TFPT: variants seen among roughly 807,000 people sequenced by gnomAD.
TFPT encodes the protein INO80 complex subunit F.
In TFPT, 27 loss-of-function variants were observed where a neutral mutation model predicts 28.8. That is an observed-to-expected ratio of 0.94 (90% CI 0.69 to 1.29). The LOEUF (loss-of-function observed/expected upper bound fraction) is 1.29. Among genes scored for constraint, TFPT ranks in the 50% most tolerant of loss-of-function variants. The pLI is 0.00. For synonymous variants in TFPT, 152 were observed against 142.8 expected (o/e 1.06, Z -0.46); for missense variants, 330 against 338.0 (o/e 0.98, Z 0.19).
Position 54,110,034 on chromosome 19 carries a change from G to A in TFPT, c.353+17C>T, listed in dbSNP as rs772604856. ...AGCTGAGGCTCACAGGCCCAGAGGG[G>A]ACAGAGAAGGGGTTACCTCCGTTCC... On this transcript the variant is annotated intron_variant, in intron 3 of 5. Coordinates refer to ENST00000391759, the MANE Select transcript of TFPT (RefSeq NM_013342.4). 7 of 1,613,088 alleles carry A rather than the reference G, an allele frequency of 4.3e-6. No homozygotes were observed. Among genetic ancestry groups the A allele is most frequent in the Admixed American group, 1.7e-5 (1 of 59,998 alleles).
At chr19:54,110,646 G>A (rs1183973185) in intron 2 of TFPT, among the ~76,000 whole-genome samples, 1 of 151,970 alleles carries the variant, frequency 6.6e-6, no homozygotes, top group African/African-American at 2.4e-5. Flanking sequence ...GGGGTGAAGT[G>A]AGTTGAGATC....
intron 2 of TFPT, 121 bp from the exon 3 acceptor site, chr19:54,110,242 G>A: frequency 3.8e-6 from 4 of 1,042,038 alleles, no homozygotes; most frequent in Non-Finnish European, 5.8e-6. Context: ...CGTGGCCTGA[G>A]GTCCTTCCAC....
intron 3 of TFPT, 117 bp from the exon 4 acceptor site, chr19:54,108,512 GACGGTCCTGAGCTCTGGC>G: frequency 6.2e-7 from 1 of 1,613,240 alleles, no homozygotes; most frequent in Non-Finnish European, 8.5e-7. Context: ...CCTGGAGCCA[GACGGTCCTGAGCTCTGGC>G]ACTGGAGGCC....
At chr19:54,110,728 C>T (rs181887137) in intron 2 of TFPT, among the ~76,000 whole-genome samples, 2 of 151,944 alleles carry the variant, frequency 1.3e-5, no homozygotes, top group East Asian at 1.9e-4. Flanking sequence ...ACACACCCGA[C>T]CCCCCTTCCC....
chr19:54,111,872 C>T (rs1437679755), intron 2 of TFPT, among the ~76,000 whole-genome samples: 1 of 151,714 alleles, frequency 6.6e-6, no homozygotes, highest in Non-Finnish European at 1.5e-5. Context: ...CCCAGCTACT[C>T]GGGAGGCTGA....
chr19:54,108,013 C>CCGCCTTCCTCACCTG lies in TFPT; in HGVS notation c.640_642+12dup. On this transcript the variant is annotated intron_variant, in intron 5 of 5. Transcript: ENST00000391759. ...AGCCCCAGTCCCTCCCCTTGAGTTCCCGCCTTCCTCACCTGCACCGGGGCC... is the reference window on the plus strand; with the variant it reads ...AGCCCCAGTCCCTCCCCTTGAGTTCCCGCCTTCCTCACCTGCGCCTTCCTCACCTGCACCGGGGCC... 6.6e-7 allele frequency: 1 copy of CCGCCTTCCTCACCTG among 1,515,854 alleles called. No individual in the cohort carries two copies. The highest frequency in any genetic ancestry group is 8.8e-7 in the Non-Finnish European group (1 of 1,133,140). 93.9% of individuals were successfully genotyped at this position (1,515,854 alleles called of 1,614,324 possible).
At chr19:54,111,039 T>C (rs1053611901) in intron 2 of TFPT, among the ~76,000 whole-genome samples, 29 of 152,158 alleles carry the variant, frequency 1.9e-4, no homozygotes. Flanking sequence ...GGTGCGACTT[T>C]AGTTACGACC....
At position 54,115,006 on chromosome 19, in the gene TFPT, C is replaced by A. The variant is rs182768424; in HGVS notation, c.23+241G>T. ...AGGACCCAGGGAGTCCAAGCCCCAA[C>A]CCTCAACCAGACGCAAGAGTCCTGG... is the stretch of plus-strand genomic sequence containing the variant. On this transcript the variant is annotated intron_variant, in intron 1 of 5. Coordinates refer to ENST00000391759, the MANE Select transcript of TFPT (RefSeq NM_013342.4). 1.6e-3 allele frequency: 1,089 copies of A among 687,070 alleles called. 5 individuals are homozygous for A. In the African/African-American group the frequency reaches 0.016, roughly 10 times the overall value. The allele number at this position is 687,070 out of a possible 1,614,324, so 42.6% of individuals were successfully genotyped here. A position where few individuals can be genotyped will look rare whatever the true frequency, so the allele number is the denominator to read the frequency against.
At chr19:54,115,146 A>AC in intron 1 of TFPT, 101 bp downstream of exon 1, 1 of 1,558,232 alleles carries the variant, frequency 6.4e-7, no homozygotes, top group Non-Finnish European at 8.8e-7. Flanking sequence ...ATGAACTACA[A>AC]CCCCCATCAG....
intron 1 of TFPT, 169 bp downstream of exon 1, chr19:54,115,078 C>T (rs1451595802): frequency 6.0e-5 from 62 of 1,040,232 alleles, no homozygotes; most frequent in Non-Finnish European, 8.4e-5. Context: ...AACCCCTAAC[C>T]TTCTCCTCCC....
At chr19:54,108,469 C>T (rs1285677370) in intron 3 of TFPT, 74 bp from the exon 4 acceptor site, 1 of 1,613,670 alleles carries the variant, frequency 6.2e-7, no homozygotes, top group Non-Finnish European at 8.5e-7. Context: ...CAGGATAGAG[C>T]TCAGCTCCCA....
At chr19:54,115,077 C>T (rs1480564308) in intron 1 of TFPT, 170 bp downstream of exon 1, 48 of 1,031,412 alleles carry the variant, frequency 4.7e-5, no homozygotes, top group Non-Finnish European at 6.2e-5. Flanking sequence ...AAACCCCTAA[C>T]CTTCTCCTCC....
rs1400156724 is a variant in TFPT at position 54,107,049 on chromosome 19, G to A, written c.*1C>T. 1.2e-5 allele frequency: 19 copies of A among 1,613,320 alleles called. No homozygotes were observed. The Admixed American group carries it at 1.5e-4, about 13-fold the overall frequency. On this transcript the variant is annotated 3_prime_UTR_variant, in exon 6 of 6. Coordinates refer to ENST00000391759, the MANE Select transcript of TFPT (RefSeq NM_013342.4). ...TGTGGGGTCAGTTTATTGGGCATGC[G>A]TCAGTCAGAGGCTGGGCTGGCCAGG...
chr19:54,110,431 G>A (rs1176120244), intron 2 of TFPT, among the ~76,000 whole-genome samples: 1 of 152,134 alleles, frequency 6.6e-6, no homozygotes, highest in African/African-American at 2.4e-5. Flanking sequence ...CTCCCATTAA[G>A]TCGAAACACA....
chr19:54,108,164 C>A lies in TFPT; in HGVS notation c.504G>T (p.Pro168=), dbSNP rs202010949. ...CTGGGGGTGCAGGAGTCCTTCTGGG[C>A]GGGGACAGTGTCTCTTTCTCTGGAG... ...NEPPEKETLS[P]PRRTPAPPEP... Residue 168 remains proline, a synonymous_variant, in exon 5 of 6, where the codon CCG becomes CCT. Coordinates refer to ENST00000391759, the MANE Select transcript of TFPT (RefSeq NM_013342.4). The A allele has an allele frequency of 6.3e-7, 1 of 1,591,864 alleles. No homozygotes were observed.
chr19:54,107,959 C>T, intron 5 of TFPT, 67 bp downstream of exon 5: 2 of 1,481,776 alleles, frequency 1.3e-6, no homozygotes, highest in South Asian at 1.4e-5. Context: ...TGAGTCCCCC[C>T]TCCTTACCTG....
chr19:54,114,344 C>T, intron 2 of TFPT, 98 bp downstream of exon 2: 1 of 1,510,526 alleles, frequency 6.6e-7, no homozygotes, highest in Non-Finnish European at 8.9e-7. Context: ...AATATATCAG[C>T]AAGCCAAGAA....
rs2073405373 is a variant in TFPT, at chr19:54,109,986, CAG to C, written c.353+63_353+64del. The C allele has an allele frequency of 5.9e-5, 91 of 1,538,302 alleles. 1 individual carries two copies. In the South Asian group the frequency reaches 1.0e-3, roughly 17 times the overall value. ...TGGGTGGATGTGGAAGTGGGAGAGA[CAG>C]AGGGGCTGGGAGCATTTGGGAGCTG... On this transcript the variant is annotated intron_variant, in intron 3 of 5. Coordinates refer to ENST00000391759, the MANE Select transcript of TFPT (RefSeq NM_013342.4).
At chr19:54,115,138 G>T (rs2073585950) in intron 1 of TFPT, 109 bp downstream of exon 1, 2 of 1,527,298 alleles carry the variant, frequency 1.3e-6, no homozygotes, top group South Asian at 1.1e-5. Context: ...GCAGTTGCAT[G>T]AACTACAACC....
Sources: gnomAD v4.1 joint callset for allele counts (sites outside exome capture counted in the v4.1 genomes callset) on GRCh38, gnomAD v4.1.1 for gene constraint, MANE v1.5 for transcripts, NCBI Gene and HGNC (gene_info 2026-07-23, HGNC 2026-07-21) for gene names.